ADGRB3: variants seen among roughly 807,000 people sequenced by gnomAD.
The protein encoded by ADGRB3 is brain-specific angiogenesis inhibitor 3.
A neutral mutation model predicts 193.4 loss-of-function variants in ADGRB3; 37 were observed. That is an observed-to-expected ratio of 0.19 (90% CI 0.15 to 0.25). The LOEUF is 0.25. ADGRB3 is among the 10% of genes least tolerant of loss of function. ADGRB3 has a pLI of 1.00. For synonymous variants in ADGRB3, 690 were observed against 644.2 expected, an observed-to-expected ratio of 1.07 and a Z score of -1.08; for missense variants, 1,637 against 1,852.9, an observed-to-expected ratio of 0.88 and a Z score of 2.14.
At chr6:69,238,959 A>G (rs1370063914) in intron 19 of ADGRB3, among the ~76,000 whole-genome samples, 165 bp from the exon 20 acceptor site, 1 of 152,026 alleles carries the variant, frequency 6.6e-6, no homozygotes, top group Non-Finnish European at 1.5e-5. Context: ...GGTCTCTAAA[A>G]GTAATTTTTT....
intron 20 of ADGRB3, among the ~76,000 whole-genome samples, chr6:69,296,556 A>C (rs951920842): frequency 6.6e-6 from 1 of 152,178 alleles, no homozygotes; most frequent in Non-Finnish European, 1.5e-5. Flanking sequence ...GTTCCAACAC[A>C]GGAGGCAAAG....
intron 17 of ADGRB3, among the ~76,000 whole-genome samples, chr6:69,108,638 T>C (rs1773284248): frequency 1.3e-5 from 2 of 152,192 alleles, no homozygotes; most frequent in African/African-American, 2.4e-5. Flanking sequence ...AAGAATGATG[T>C]GGAGATCAAA....
chr6:68,953,993 C>T (rs1433216870), intron 6 of ADGRB3, among the ~76,000 whole-genome samples: 2 of 152,188 alleles, frequency 1.3e-5, no homozygotes, highest in Admixed American at 1.3e-4. Context: ...ATAACCTTTA[C>T]ATGCTAGTTT....
At chr6:68,750,484 T>C (rs1185363695) in intron 3 of ADGRB3, among the ~76,000 whole-genome samples, 2 of 152,372 alleles carry the variant, frequency 1.3e-5, no homozygotes, top group East Asian at 3.9e-4. Context: ...TTTTGCATGT[T>C]ATCAAATGTA....
Position 69,009,311 on chromosome 6 carries a change from G to C in ADGRB3, c.1930-4727G>C, listed in dbSNP as rs145246309. 9.4e-4 allele frequency among the ~76,000 whole-genome samples: 143 copies of C among 152,180 alleles called. 1 individual carries two copies. The East Asian group carries it at 0.023, about 25-fold the overall frequency. On this transcript the variant is annotated intron_variant, in intron 11 of 31. Transcript: ENST00000370598. ...AATATCAGACTGTATAACTGGGGAG[G>C]GGGGAGTGATGATCTCATAAGGCCT... is the stretch of plus-strand genomic sequence containing the variant.
At chr6:69,023,674 G>A (rs994849087) in intron 13 of ADGRB3, among the ~76,000 whole-genome samples, 1 of 152,112 alleles carries the variant, frequency 6.6e-6, no homozygotes, top group African/African-American at 2.4e-5. Flanking sequence ...TTGTGCTTTG[G>A]TAGAACATAT....
At chr6:68,886,661 A>G (rs1198119561) in intron 3 of ADGRB3, among the ~76,000 whole-genome samples, 1 of 152,078 alleles carries the variant, frequency 6.6e-6, no homozygotes, top group Non-Finnish European at 1.5e-5. Context: ...TCAGAAAACT[A>G]AAGAGCAAAA....
intron 3 of ADGRB3, among the ~76,000 whole-genome samples, chr6:68,855,372 C>G (rs952973400): frequency 1.3e-5 from 2 of 151,924 alleles, no homozygotes; most frequent in Admixed American, 6.6e-5. Flanking sequence ...CTTTGTGATC[C>G]ATAAAATTAA....
intron 17 of ADGRB3, among the ~76,000 whole-genome samples, chr6:69,111,740 T>A (rs1467011113): frequency 6.6e-6 from 1 of 152,214 alleles, no homozygotes; most frequent in African/African-American, 2.4e-5. Flanking sequence ...ATAAACTATT[T>A]TAAATGAAAA....
chr6:69,293,179 T>C (rs779840049), intron 20 of ADGRB3, among the ~76,000 whole-genome samples: 1 of 152,154 alleles, frequency 6.6e-6, no homozygotes, highest in Non-Finnish European at 1.5e-5. Context: ...CAAATACAAA[T>C]TGTTAAAAGT....
chr6:69,005,589 C>T (rs997989850), intron 11 of ADGRB3, among the ~76,000 whole-genome samples: 5 of 152,064 alleles, frequency 3.3e-5, no homozygotes, highest in African/African-American at 1.2e-4. Flanking sequence ...CTATTACAGG[C>T]GTACGCCACC....
At chr6:68,998,259 A>G (rs1769450698) in intron 11 of ADGRB3, among the ~76,000 whole-genome samples, 1 of 152,214 alleles carries the variant, frequency 6.6e-6, no homozygotes, top group African/African-American at 2.4e-5. Context: ...TCTTGGAGTT[A>G]ATGTCCTCTT....
Position 69,307,318 on chromosome 6 carries a change from T to A in ADGRB3, c.2815-17554T>A, listed in dbSNP as rs914576773. Among the ~76,000 whole-genome samples, 9 of 151,568 alleles carry A rather than the reference T, an allele frequency of 5.9e-5. 1 individual carries two copies. Among genetic ancestry groups the A allele is most frequent in the African/African-American group, 2.2e-4 (9 of 41,164 alleles). ...GTTAAATTTCTTATGTATTTCAGAA[T>A]CACATTTATGCCACATGCTGTATTT... On this transcript the variant is annotated intron_variant, in intron 20 of 31. Transcript: ENST00000370598.
At chr6:68,946,907 A>G (rs1051371307) in intron 6 of ADGRB3, among the ~76,000 whole-genome samples, 2 of 152,172 alleles carry the variant, frequency 1.3e-5, no homozygotes, top group African/African-American at 4.8e-5. Context: ...AGAGTTTGAT[A>G]TATACCTATA....
intron 3 of ADGRB3, among the ~76,000 whole-genome samples, chr6:68,659,154 A>AT (rs1230390368): frequency 5.3e-5 from 8 of 151,046 alleles, no homozygotes; most frequent in African/African-American, 1.9e-4. Flanking sequence ...AACTAAAATA[A>AT]TTTTTTTGTG....
At chr6:69,254,419 C>A (rs1391849503) in intron 20 of ADGRB3, among the ~76,000 whole-genome samples, 1 of 152,040 alleles carries the variant, frequency 6.6e-6, no homozygotes, top group East Asian at 1.9e-4. Context: ...TTTTCCAATA[C>A]TAGAAAGGAT....
chr6:68,755,250 G>A (rs943077373), intron 3 of ADGRB3, among the ~76,000 whole-genome samples: 33 of 152,152 alleles, frequency 2.2e-4, no homozygotes, highest in African/African-American at 7.7e-4. Context: ...CATGAAGGAA[G>A]GAGCTAGGCA....
At chr6:69,254,928 A>T (rs13220382) in intron 20 of ADGRB3, among the ~76,000 whole-genome samples, 2 of 141,930 alleles carry the variant, frequency 1.4e-5, no homozygotes, top group Non-Finnish European at 3.0e-5. Context: ...TCATTGTTCA[A>T]TTCCCACCTA....
chr6:68,811,717 G>A (rs1368696913), intron 3 of ADGRB3, among the ~76,000 whole-genome samples: 1 of 152,064 alleles, frequency 6.6e-6, no homozygotes, highest in Non-Finnish European at 1.5e-5. Flanking sequence ...TGATCCACCC[G>A]CTTTGGGCTC....
Sources: allele counts gnomAD v4.1 joint callset (sites outside exome capture counted in the v4.1 genomes callset), GRCh38; gene constraint gnomAD v4.1.1; transcripts MANE v1.5; gene names NCBI Gene and HGNC (gene_info 2026-07-23, HGNC 2026-07-21).